Variants in KCNK2 observed in about 807,000 individuals in gnomAD.
The protein encoded by KCNK2 is potassium channel subfamily K member 2.
Under a neutral mutation model 40.5 loss-of-function variants are expected in KCNK2, and 21 were observed. That is an observed-to-expected ratio of 0.52 (90% CI 0.37 to 0.75). The LOEUF (loss-of-function observed/expected upper bound fraction) is 0.75. KCNK2 is among the 30% of genes least tolerant of loss of function. KCNK2 has a pLI of 0.00. For synonymous variants in KCNK2, 191 were observed against 202.2 expected, an observed-to-expected ratio of 0.94 and a Z score of 0.47; for missense variants, 399 against 531.6, an observed-to-expected ratio of 0.75 and a Z score of 2.45.
At chr1:215,007,049 GTATATA>G (rs1184311265) in intron 1 of KCNK2, among the ~76,000 whole-genome samples, 3 of 103,114 alleles carry the variant, frequency 2.9e-5, no homozygotes, top group South Asian at 3.0e-4. Context: ...GTGTGTGTGT[GTATATA>G]TATATGTGTG....
intron 3 of KCNK2, among the ~76,000 whole-genome samples, chr1:215,137,386 A>G (rs956040227): frequency 1.3e-5 from 2 of 152,224 alleles, no homozygotes; most frequent in Non-Finnish European, 2.9e-5. Context: ...GAACACAGCC[A>G]TGCCCATTTG....
intron 5 of KCNK2, among the ~76,000 whole-genome samples, chr1:215,180,298 G>C (rs1400498256): frequency 1.3e-5 from 2 of 152,028 alleles, no homozygotes; most frequent in African/African-American, 4.8e-5. Flanking sequence ...ATAGGTCTTG[G>C]ATTGTGTTTC....
At chr1:215,234,434 T>C (rs1666792190) in intron 6 of KCNK2, among the ~76,000 whole-genome samples, 1 of 152,186 alleles carries the variant, frequency 6.6e-6, no homozygotes, top group African/African-American at 2.4e-5. Flanking sequence ...TATATCTTAC[T>C]GCCCTTTGTA....
At chr1:215,015,013 A>G (rs1553255307) in intron 1 of KCNK2, among the ~76,000 whole-genome samples, 1 of 152,206 alleles carries the variant, frequency 6.6e-6, no homozygotes, top group Non-Finnish European at 1.5e-5. Context: ...CCTTTCATCC[A>G]GGCACAATGT....
chr1:215,044,787 A>T (rs541456648), intron 1 of KCNK2, among the ~76,000 whole-genome samples: 1 of 133,068 alleles, frequency 7.5e-6, no homozygotes, highest in East Asian at 2.2e-4. Flanking sequence ...GTACTTGGGG[A>T]TAAGTGTATG....
chr1:215,030,598 G>A (rs916145517), intron 1 of KCNK2, among the ~76,000 whole-genome samples: 1 of 151,590 alleles, frequency 6.6e-6, no homozygotes, highest in African/African-American at 2.4e-5. Flanking sequence ...GTAGCGGTGT[G>A]ATCATGGATC....
intron 2 of KCNK2, among the ~76,000 whole-genome samples, chr1:215,093,800 AT>A (rs375701287): frequency 1.7e-4 from 4 of 23,852 alleles, no homozygotes; most frequent in East Asian, 3.3e-3. Flanking sequence ...ATTATATAAT[AT>A]AAAATATATT....
chr1:215,171,978 C>A lies in KCNK2; in HGVS notation c.637-19C>A. The A allele has an allele frequency of 1.9e-6, 3 of 1,573,530 alleles. No individual in the cohort carries two copies. Among genetic ancestry groups the A allele is most frequent in the South Asian group, 2.2e-5 (2 of 89,238 alleles). Reference sequence around the variant, plus strand: ...TATACATATATATATATACACACACCTTTCTGTCTCATCCCTAGAAGTGGA... The same window carrying A: ...TATACATATATATATATACACACACATTTCTGTCTCATCCCTAGAAGTGGA... On this transcript the variant is annotated intron_variant, in intron 4 of 6. Coordinates refer to ENST00000444842, the MANE Select transcript of KCNK2 (RefSeq NM_001017425.3).
At chr1:215,042,107 G>A (rs1474020871) in intron 1 of KCNK2, among the ~76,000 whole-genome samples, 1 of 152,020 alleles carries the variant, frequency 6.6e-6, no homozygotes, top group Non-Finnish European at 1.5e-5. Flanking sequence ...ACCTCCCACG[G>A]GTTCCCTCCC....
rs1558140354 is a variant in KCNK2, at chr1:215,209,486, TACA to T, written c.963+14395_963+14397del. 5.5e-3 allele frequency among the ~76,000 whole-genome samples: 200 copies of T among 36,622 alleles called. 9 individuals carry two copies. The highest frequency in any genetic ancestry group is 0.02 in the African/African-American group (194 of 9,594). The allele number at this position is 36,622 out of a possible 152,430, so 24.0% of individuals were successfully genotyped here. On this transcript the variant is annotated intron_variant, in intron 6 of 6. Coordinates refer to ENST00000444842, the MANE Select transcript of KCNK2 (RefSeq NM_001017425.3). ...TATATATAATATATATTATATATAA[TACA>T]TATATATAATATATAATATATATAA...
chr1:215,234,709 TA>T, intron 6 of KCNK2, 118 bp from the exon 7 acceptor site: 1 of 935,756 alleles, frequency 1.1e-6, no homozygotes, highest in Non-Finnish European at 1.6e-6. Context: ...ACCAGTGCTG[TA>T]AAAGACTACT....
At chr1:215,172,326 A>T in intron 5 of KCNK2, 143 bp downstream of exon 5, 1 of 683,228 alleles carries the variant, frequency 1.5e-6, no homozygotes, top group Non-Finnish European at 2.5e-6. Context: ...GGTGGCTTTA[A>T]ACAAAGCAAA....
At chr1:215,161,145 C>T (rs1449237926) in intron 3 of KCNK2, among the ~76,000 whole-genome samples, 4 of 152,142 alleles carry the variant, frequency 2.6e-5, no homozygotes, top group Non-Finnish European at 5.9e-5. Flanking sequence ...TTGCATTGGT[C>T]AGTCAGCCTA....
At chr1:215,221,306 G>A (rs995007510) in intron 6 of KCNK2, among the ~76,000 whole-genome samples, 16 of 152,084 alleles carry the variant, frequency 1.1e-4, no homozygotes, top group Admixed American at 8.5e-4. Flanking sequence ...CTGGGGAAGC[G>A]GAGGTTGCAG....
intron 1 of KCNK2, among the ~76,000 whole-genome samples, chr1:215,061,313 G>GT (rs1222048812): frequency 6.6e-6 from 1 of 151,246 alleles, no homozygotes; most frequent in East Asian, 1.9e-4. Flanking sequence ...CAGCTTTCAT[G>GT]TAAAAAAAAA....
At chr1:215,075,620 G>A (rs1419886557) in intron 1 of KCNK2, among the ~76,000 whole-genome samples, 4 of 152,166 alleles carry the variant, frequency 2.6e-5, no homozygotes, top group Non-Finnish European at 4.4e-5. Flanking sequence ...GGCATAAATG[G>A]CAAAAAATTT....
intron 6 of KCNK2, among the ~76,000 whole-genome samples, chr1:215,206,199 C>A (rs779326726): frequency 3.3e-5 from 5 of 151,904 alleles, no homozygotes; most frequent in Non-Finnish European, 7.4e-5. Flanking sequence ...GATGCTGAAT[C>A]GGTTTTGTAT....
chr1:215,097,257 T>C (rs1232380270), intron 2 of KCNK2, among the ~76,000 whole-genome samples: 1 of 151,930 alleles, frequency 6.6e-6, no homozygotes, highest in Non-Finnish European at 1.5e-5. Context: ...TAGACACGTA[T>C]GGTAGTGCAG....
intron 6 of KCNK2, among the ~76,000 whole-genome samples, chr1:215,210,647 T>TAG (rs1164174257): frequency 6.6e-6 from 1 of 151,974 alleles, no homozygotes; most frequent in Non-Finnish European, 1.5e-5. Context: ...TTTATATATA[T>TAG]ATAGAGAGAG....
Sources: gnomAD v4.1 joint callset for allele counts (sites outside exome capture counted in the v4.1 genomes callset) on GRCh38, gnomAD v4.1.1 for gene constraint, MANE v1.5 for transcripts, NCBI Gene and HGNC (gene_info 2026-07-23, HGNC 2026-07-21) for gene names.